CACNA1D: variants seen among roughly 807,000 people sequenced by gnomAD.
The protein encoded by CACNA1D is voltage-dependent L-type calcium channel subunit alpha-1D.
In CACNA1D, 55 loss-of-function variants were observed where a neutral mutation model predicts 257.1. The ratio of observed to expected loss-of-function variants is 0.21; its 90% CI spans 0.17 to 0.27. CACNA1D has a LOEUF of 0.27. Among genes scored for constraint, CACNA1D ranks in the 10% least tolerant of loss-of-function variants. The probability of loss-of-function intolerance (pLI) is 1.00; values close to 1 mark genes in which losing one functional copy is unlikely to be tolerated. For missense variants in CACNA1D, 1,876 were observed against 2,784.0 expected (o/e 0.67, Z 7.34); for synonymous variants, 980 against 1,014.9 (o/e 0.97, Z 0.65).
Position 53,801,167 on chromosome 3 carries a change from C to T in CACNA1D, c.5150C>T (p.Ser1717Leu). The change falls in exon 42 of 48, where the codon TCA becomes TTA. Residue 1717 changes from serine (S) to leucine (L), a missense_variant. By Grantham distance (145) the Ser-to-Leu change is moderately radical. Coordinates refer to ENST00000350061, the MANE Select transcript of CACNA1D (RefSeq NM_001128840.3). Reference sequence around the variant, plus strand: ...CGTCCCCTGCATGTCCAAAGGCCTTCAATTCCACCTGCAAGTGATACTGAG... The same window carrying T: ...CGTCCCCTGCATGTCCAAAGGCCTTTAATTCCACCTGCAAGTGATACTGAG... ...THRPLHVQRPSIPPASDTEKP... is the reference protein window; with the variant it reads ...THRPLHVQRPLIPPASDTEKP... 1 of 1,613,950 alleles carries T rather than the reference C, an allele frequency of 6.2e-7. No individual in the cohort carries two copies. The highest frequency in any genetic ancestry group is 8.5e-7 in the Non-Finnish European group (1 of 1,179,838).
chr3:53,522,774 G>T (rs941503226), intron 3 of CACNA1D, among the ~76,000 whole-genome samples: 1 of 152,118 alleles, frequency 6.6e-6, no homozygotes, highest in African/African-American at 2.4e-5. Context: ...ATTTCTTTGT[G>T]TTGGGAACAT....
At chr3:53,501,775 A>G (rs1575683804) in intron 3 of CACNA1D, 55 bp downstream of exon 3, 6 of 1,001,584 alleles carry the variant, frequency 6.0e-6, no homozygotes, top group East Asian at 4.7e-5. Context: ...ATTTGCTTCT[A>G]TACTTAAACT....
intron 9 of CACNA1D, among the ~76,000 whole-genome samples, chr3:53,710,696 A>C (rs2094744244): frequency 6.9e-6 from 1 of 144,224 alleles, no homozygotes; most frequent in East Asian, 2.1e-4. Context: ...CCTTATAAAG[A>C]AGCAGCTGAA....
Position 53,625,355 on chromosome 3 carries a change from G to A in CACNA1D, c.484-25424G>A, listed in dbSNP as rs567266680. On this transcript the variant is annotated intron_variant, in intron 3 of 47. Coordinates refer to ENST00000350061, the MANE Select transcript of CACNA1D (RefSeq NM_001128840.3). ...GAGTTGGTGGAGGTATTCCCACTGTGTCTCCCACACCTTCTCTCGAGGGTT... is the reference window on the plus strand; with the variant it reads ...GAGTTGGTGGAGGTATTCCCACTGTATCTCCCACACCTTCTCTCGAGGGTT... Among the ~76,000 whole-genome samples, 26 of 152,304 alleles carry A rather than the reference G, an allele frequency of 1.7e-4. No individual in the cohort carries two copies. In the East Asian group the frequency reaches 2.1e-3, roughly 12 times the overall value.
intron 3 of CACNA1D, among the ~76,000 whole-genome samples, chr3:53,602,603 C>A (rs2093458067): frequency 6.6e-6 from 1 of 152,178 alleles, no homozygotes; most frequent in Non-Finnish European, 1.5e-5. Context: ...TTCTCCATAT[C>A]CTTACCAGCA....
chr3:53,548,374 A>ATT lies in CACNA1D; in HGVS notation c.483+46654_483+46655insTT, dbSNP rs1392910486. ...AAGCTTTTTTTTTTTTTTTTTTTAA[A>ATT]AATTATCTTTAAAGAATCCATTTTA... On this transcript the variant is annotated intron_variant, in intron 3 of 47. Coordinates refer to ENST00000350061, the MANE Select transcript of CACNA1D (RefSeq NM_001128840.3). 6.7e-4 allele frequency among the ~76,000 whole-genome samples: 40 copies of ATT among 59,544 alleles called. 1 individual carries two copies. Among genetic ancestry groups the ATT allele is most frequent in the African/African-American group, 2.1e-3 (39 of 18,562 alleles). 39.1% of individuals were successfully genotyped at this position (59,544 alleles called of 152,430 possible).
chr3:53,665,956 T>C lies in CACNA1D; in HGVS notation c.919+144T>C. On this transcript the variant is annotated intron_variant, in intron 6 of 47. Transcript: ENST00000350061. ...GCACATTTACTGAGCCAGTTCTCAGTGTGAGCTATGTTCAGAATAGATGAG... is the reference window on the plus strand; with the variant it reads ...GCACATTTACTGAGCCAGTTCTCAGCGTGAGCTATGTTCAGAATAGATGAG... 5.9e-6 allele frequency: 4 copies of C among 674,322 alleles called. No individual in the cohort carries two copies. The South Asian group carries it at 7.0e-5, about 12-fold the overall frequency. 41.8% of individuals were successfully genotyped at this position (674,322 alleles called of 1,614,324 possible).
chr3:53,771,520 G>T (rs2109009312), intron 32 of CACNA1D, among the ~76,000 whole-genome samples: 1 of 152,298 alleles, frequency 6.6e-6, no homozygotes, highest in Non-Finnish European at 1.5e-5. Context: ...CACTCACAAG[G>T]GAAGTCACAG....
intron 3 of CACNA1D, among the ~76,000 whole-genome samples, chr3:53,503,633 T>C (rs2090695972): frequency 6.6e-6 from 1 of 152,234 alleles, no homozygotes; most frequent in Non-Finnish European, 1.5e-5. Flanking sequence ...GGCACTGATA[T>C]AGGCACTGTC....
At chr3:53,696,015 G>C (rs1213575061) in intron 8 of CACNA1D, among the ~76,000 whole-genome samples, 1 of 152,200 alleles carries the variant, frequency 6.6e-6, no homozygotes. Context: ...CCAGGCTGCA[G>C]TGCAGTGGTA....
intron 1 of CACNA1D, 74 bp from the exon 2 acceptor site, chr3:53,497,078 C>G (rs759550494): frequency 3.5e-6 from 4 of 1,136,302 alleles, no homozygotes; most frequent in Non-Finnish European, 5.2e-6. Context: ...TGGGAGACAA[C>G]CTTTGATTTT....
intron 3 of CACNA1D, among the ~76,000 whole-genome samples, chr3:53,511,992 C>T (rs2091132274): frequency 6.6e-6 from 1 of 152,112 alleles, no homozygotes; most frequent in African/African-American, 2.4e-5. Flanking sequence ...AAATAGATAA[C>T]AACAGGGTAT....
intron 3 of CACNA1D, among the ~76,000 whole-genome samples, chr3:53,571,122 A>C (rs2092935253): frequency 6.6e-6 from 1 of 152,160 alleles, no homozygotes; most frequent in African/African-American, 2.4e-5. Context: ...GGGGGTTCTT[A>C]AGTGGGGAGG....
Position 53,723,414 on chromosome 3 carries a change from G to A in CACNA1D, c.1667-20G>A, listed in dbSNP as rs971682375. The stretch of plus-strand genomic sequence containing the variant: ...GTCTTGCAGGAGACCCTGAGGATGG[G>A]TGCCCCTTTGTCTTTCCAGATATTG... On this transcript the variant is annotated intron_variant, in intron 12 of 47. Transcript: ENST00000350061. This position sits in a 1 kb window ranked among gnomAD's most constrained non-coding sequence, Gnocchi z 5.6. The A allele has an allele frequency of 6.3e-7, 1 of 1,592,996 alleles. No homozygotes were observed.
chr3:53,753,264 A>G (rs1211656009), intron 28 of CACNA1D, among the ~76,000 whole-genome samples: 1 of 152,204 alleles, frequency 6.6e-6, no homozygotes, highest in Admixed American at 6.5e-5. Context: ...TGGTATCTGC[A>G]TTGTGCTCTG....
intron 30 of CACNA1D, among the ~76,000 whole-genome samples, 179 bp from the exon 31 acceptor site, chr3:53,769,794 C>T (rs1029765519): frequency 7.2e-5 from 11 of 152,358 alleles, no homozygotes; most frequent in Admixed American, 5.9e-4. Flanking sequence ...TGCCCATGTC[C>T]ATGGCTGCCT....
intron 3 of CACNA1D, among the ~76,000 whole-genome samples, chr3:53,518,365 T>C (rs1234364405): frequency 6.6e-6 from 1 of 152,186 alleles, no homozygotes; most frequent in African/African-American, 2.4e-5. Flanking sequence ...GTTTGGTAAA[T>C]AATAGACCAT....
intron 34 of CACNA1D, among the ~76,000 whole-genome samples, chr3:53,775,271 T>G (rs1300346472): frequency 6.6e-6 from 1 of 152,198 alleles, no homozygotes; most frequent in Non-Finnish European, 1.5e-5. Context: ...TGTTAAGTAT[T>G]TTGGTCATTA....
At chr3:53,734,016 G>GTATATATATA (rs58714566) in intron 19 of CACNA1D, among the ~76,000 whole-genome samples, 7 of 131,702 alleles carry the variant, frequency 5.3e-5, no homozygotes, top group East Asian at 4.2e-4. Flanking sequence ...ATATGTGTGT[G>GTATATATATA]TATATATATA....
Sources: allele counts gnomAD v4.1 joint callset (sites outside exome capture counted in the v4.1 genomes callset), GRCh38; gene constraint gnomAD v4.1.1; non-coding constraint Gnocchi (gnomAD v3.1); transcripts MANE v1.5; gene names NCBI Gene and HGNC (gene_info 2026-07-23, HGNC 2026-07-21).